B3GALT1: variants seen among roughly 807,000 people sequenced by gnomAD.
B3GALT1 encodes UDP-Gal:betaGlcNAc beta 1,3-galactosyltransferase, polypeptide 1.
A neutral mutation model predicts 23.2 loss-of-function variants in B3GALT1; 10 were observed. The ratio of observed to expected loss-of-function variants is 0.43; its 90% CI spans 0.27 to 0.73. The LOEUF is 0.73. B3GALT1 is among the 30% of genes least tolerant of loss of function. B3GALT1 has a pLI of 0.21. For synonymous variants in B3GALT1, 156 were observed against 141.5 expected (o/e 1.10, Z -0.73); for missense variants, 299 against 405.4 (o/e 0.74, Z 2.25).
intron 2 of B3GALT1, among the ~76,000 whole-genome samples, chr2:167,598,056 T>C (rs1684810618): frequency 6.6e-6 from 1 of 152,204 alleles, no homozygotes. Context: ...AGTTAATCTT[T>C]AGGTTTATTC....
At chr2:167,696,243 A>G (rs922632742) in intron 3 of B3GALT1, among the ~76,000 whole-genome samples, 1 of 138,982 alleles carries the variant, frequency 7.2e-6, no homozygotes, top group African/African-American at 2.6e-5. Flanking sequence ...GCCTTTTATT[A>G]GTTGTGAGAC....
intron 1 of B3GALT1, among the ~76,000 whole-genome samples, chr2:167,298,889 C>CA (rs142987104): frequency 0.057 from 8,608 of 150,102 alleles, 284 homozygotes; most frequent in East Asian, 0.15. Context: ...AACAGAAAAA[C>CA]AAAAAAACTA....
chr2:167,293,608 CA>C (rs1285748002), intron 1 of B3GALT1, among the ~76,000 whole-genome samples: 2 of 152,254 alleles, frequency 1.3e-5, no homozygotes, highest in African/African-American at 4.8e-5. Flanking sequence ...GGGCACTTTG[CA>C]GCGAGAACAG....
chr2:167,612,802 T>C (rs1685091610), intron 2 of B3GALT1, among the ~76,000 whole-genome samples: 1 of 151,974 alleles, frequency 6.6e-6, no homozygotes, highest in Non-Finnish European at 1.5e-5. Context: ...ATTGTGAAGA[T>C]TTACTAGCTT....
chr2:167,577,180 G>A (rs955838844), intron 2 of B3GALT1, among the ~76,000 whole-genome samples: 1 of 151,736 alleles, frequency 6.6e-6, no homozygotes, highest in Admixed American at 6.6e-5. Context: ...GAGCAATTAT[G>A]AAATCCCCTT....
At chr2:167,617,521 G>T (rs1456907291) in intron 2 of B3GALT1, among the ~76,000 whole-genome samples, 1 of 151,992 alleles carries the variant, frequency 6.6e-6, no homozygotes, top group East Asian at 1.9e-4. Context: ...GAAGTGAAAA[G>T]GGGTGTTAGG....
At chr2:167,763,639 C>T (rs1381976991) in intron 3 of B3GALT1, among the ~76,000 whole-genome samples, 3 of 132,864 alleles carry the variant, frequency 2.3e-5, no homozygotes, top group African/African-American at 8.3e-5. Flanking sequence ...TGCAGCGACC[C>T]GAGATTGCTC....
intron 3 of B3GALT1, among the ~76,000 whole-genome samples, chr2:167,813,556 T>C (rs1688933623): frequency 6.6e-6 from 1 of 152,212 alleles, no homozygotes; most frequent in Admixed American, 6.5e-5. Flanking sequence ...CCTAACTAAC[T>C]GATGTTTTTG....
chr2:167,547,422 C>T (rs1243095258), intron 2 of B3GALT1, among the ~76,000 whole-genome samples: 2 of 152,062 alleles, frequency 1.3e-5, no homozygotes, highest in South Asian at 2.1e-4. Context: ...GAGGGCCGGG[C>T]GCGGTGGCCC....
In B3GALT1 at chr2:167,544,363, C is replaced by T. The variant is rs1054232941; in HGVS notation, c.-410+54086C>T. ...AGGCCGGAGTGCAGTGGCATGATCT[C>T]GGTTCACTGCAGCCTCCACCTCCTG... is the stretch of plus-strand genomic sequence containing the variant. On this transcript the variant is annotated intron_variant, in intron 2 of 4. Coordinates refer to ENST00000392690, the MANE Select transcript of B3GALT1 (RefSeq NM_020981.4). Among the ~76,000 whole-genome samples, 6 of 152,102 alleles carry T rather than the reference C, an allele frequency of 3.9e-5. 1 individual carries two copies. The highest frequency in any genetic ancestry group is 4.1e-4 in the South Asian group (2 of 4,822).
chr2:167,587,623 A>G (rs1197071037), intron 2 of B3GALT1, among the ~76,000 whole-genome samples: 1 of 152,190 alleles, frequency 6.6e-6, no homozygotes, highest in Non-Finnish European at 1.5e-5. Flanking sequence ...TTCAGCGTTG[A>G]CTTTTTAACC....
intron 1 of B3GALT1, among the ~76,000 whole-genome samples, chr2:167,306,249 ATG>A (rs1199591293): frequency 2.6e-5 from 4 of 152,058 alleles, no homozygotes; most frequent in African/African-American, 9.7e-5. Context: ...AAGAGTAAAT[ATG>A]TGATTGTAAT....
At position 167,293,077 on chromosome 2, in the gene B3GALT1, G is replaced by A. The variant is rs1228306610; in HGVS notation, c.-768G>A. On this transcript the variant is annotated 5_prime_UTR_variant, in exon 1 of 5. Coordinates refer to ENST00000392690, the MANE Select transcript of B3GALT1 (RefSeq NM_020981.4). ...GCGGCTGCTCGGCTAGTGCAGCTGG[G>A]CGAGCTCGCGCGGGCGCCGCCGCCG... 6.6e-6 allele frequency: 1 copy of A among 151,138 alleles called. No individual in the cohort carries two copies. The highest frequency in any genetic ancestry group is 2.4e-5 in the African/African-American group (1 of 41,312). 9.4% of individuals were successfully genotyped at this position (151,138 alleles called of 1,614,324 possible). A position where few individuals can be genotyped will look rare whatever the true frequency, so the allele number is the denominator to read the frequency against.
intron 4 of B3GALT1, among the ~76,000 whole-genome samples, chr2:167,824,115 C>T (rs1383315166): frequency 6.6e-6 from 1 of 152,080 alleles, no homozygotes; most frequent in Non-Finnish European, 1.5e-5. Context: ...AGAGTAAAAA[C>T]AGTATATTCA....
At chr2:167,427,399 A>G (rs1376190840) in intron 1 of B3GALT1, among the ~76,000 whole-genome samples, 1 of 152,200 alleles carries the variant, frequency 6.6e-6, no homozygotes, top group Non-Finnish European at 1.5e-5. Flanking sequence ...AAATGTTAAT[A>G]TTTATAAAAG....
At chr2:167,858,644 G>A (rs1008860058) in intron 4 of B3GALT1, among the ~76,000 whole-genome samples, 1 of 152,168 alleles carries the variant, frequency 6.6e-6, no homozygotes, top group African/African-American at 2.4e-5. Flanking sequence ...CTTCAGAGCT[G>A]ATGACTCCAA....
intron 1 of B3GALT1, among the ~76,000 whole-genome samples, chr2:167,470,570 C>T (rs538645542): frequency 6.6e-6 from 1 of 151,790 alleles, no homozygotes; most frequent in African/African-American, 2.4e-5. Context: ...ATGTTGATGT[C>T]TAGATTATAT....
At chr2:167,393,510 A>G (rs570933128) in intron 1 of B3GALT1, among the ~76,000 whole-genome samples, 1 of 152,302 alleles carries the variant, frequency 6.6e-6, no homozygotes. Flanking sequence ...AGAAAACGAA[A>G]CAGCTAATAT....
intron 1 of B3GALT1, among the ~76,000 whole-genome samples, chr2:167,447,724 G>T (rs922433061): frequency 6.6e-6 from 1 of 152,126 alleles, no homozygotes; most frequent in Non-Finnish European, 1.5e-5. Flanking sequence ...CACAATATTA[G>T]GGTGGAAGTG....
Sources: gnomAD v4.1 joint callset for allele counts (sites outside exome capture counted in the v4.1 genomes callset) on GRCh38, gnomAD v4.1.1 for gene constraint, MANE v1.5 for transcripts, NCBI Gene and HGNC (gene_info 2026-07-23, HGNC 2026-07-21) for gene names.